The following EIF3H variants were observed in gnomAD, a reference collection of about 807,000 sequenced individuals.
The protein encoded by EIF3H is eIF-3-gamma.
EIF3H carries 26 observed loss-of-function variants against 44.2 expected under a neutral mutation model. The ratio of observed to expected loss-of-function variants is 0.59; its 90% CI spans 0.43 to 0.82. EIF3H has a LOEUF of 0.82. Among genes scored for constraint, EIF3H ranks in the 40% least tolerant of loss-of-function variants. The pLI is 0.00. For synonymous variants in EIF3H, 166 were observed against 151.9 expected (o/e 1.09, Z -0.68); for missense variants, 359 against 432.8 (o/e 0.83, Z 1.51).
Position 116,752,719 on chromosome 8 carries a change from AG to A in EIF3H, c.132+2946del, listed in dbSNP as rs1242289444. Among the ~76,000 whole-genome samples, 85 of 121,938 alleles carry A rather than the reference AG, an allele frequency of 7.0e-4. 1 individual carries two copies. The highest frequency in any genetic ancestry group is 1.0e-3 in the East Asian group (4 of 3,844). The allele number at this position is 121,938 out of a possible 152,430, so 80.0% of individuals were successfully genotyped here. On this transcript the variant is annotated intron_variant, in intron 1 of 7. Transcript: ENST00000521861. ...AAGAAAGAAAGAAAGAAAGAAAGAA[AG>A]AAAGAAAGAAAGAAGAGAAAGAAAG...
chr8:116,662,313 C>A (rs544218484), intron 2 of EIF3H, among the ~76,000 whole-genome samples: 1 of 152,078 alleles, frequency 6.6e-6, no homozygotes, highest in Admixed American at 6.5e-5. Context: ...AAGAAAGGAC[C>A]TAAACAAACT....
At chr8:116,730,320 T>C (rs1166720268) in intron 1 of EIF3H, among the ~76,000 whole-genome samples, 5 of 152,186 alleles carry the variant, frequency 3.3e-5, no homozygotes, top group African/African-American at 1.2e-4. Flanking sequence ...CTGATTCTCA[T>C]AGGAGCACAA....
chr8:116,717,232 G>T (rs1414686520), intron 2 of EIF3H, among the ~76,000 whole-genome samples: 1 of 152,062 alleles, frequency 6.6e-6, no homozygotes, highest in African/African-American at 2.4e-5. Flanking sequence ...ACAAAACACT[G>T]CTCAAAGAAA....
intron 2 of EIF3H, among the ~76,000 whole-genome samples, chr8:116,695,224 C>T (rs1458107321): frequency 3.3e-5 from 5 of 151,940 alleles, no homozygotes; most frequent in African/African-American, 1.2e-4. Flanking sequence ...TGCCCCATCA[C>T]GCCCGGCTAA....
At chr8:116,750,534 T>G (rs1430569919) in intron 1 of EIF3H, among the ~76,000 whole-genome samples, 1 of 151,472 alleles carries the variant, frequency 6.6e-6, no homozygotes, top group Non-Finnish European at 1.5e-5. Context: ...CTCAGCCTCC[T>G]GAGTAGCTGG....
At chr8:116,757,275 T>TGA (rs200065010), upstream of EIF3H, among the ~76,000 whole-genome samples, 16,286 of 148,872 alleles carry the variant, frequency 0.11, 1,162 homozygotes, top group East Asian at 0.41. Flanking sequence ...GAGGTACAAC[T>TGA]GAGAGAGAGA....
At chr8:116,693,286 A>C (rs1021899312) in intron 2 of EIF3H, among the ~76,000 whole-genome samples, 1 of 152,274 alleles carries the variant, frequency 6.6e-6, no homozygotes, top group Non-Finnish European at 1.5e-5. Flanking sequence ...ATTTGACATC[A>C]GAAAATTTTA....
chr8:116,739,443 G>A lies in EIF3H; in HGVS notation c.133-13271C>T, dbSNP rs374447647. 3.9e-4 allele frequency among the ~76,000 whole-genome samples: 60 copies of A among 152,318 alleles called. 1 individual carries two copies. The East Asian group carries it at 9.7e-3, about 25-fold the overall frequency. The stretch of plus-strand genomic sequence containing the variant: ...CGGCGGGCAGATCACGAGGTCAGGA[G>A]ATCGAGACCATCCTGGCTAAAACGG... On this transcript the variant is annotated intron_variant, in intron 1 of 7. Coordinates refer to ENST00000521861, the MANE Select transcript of EIF3H (RefSeq NM_003756.3).
rs368861824 is a variant in EIF3H at position 116,666,753 on chromosome 8, C to A, written c.290-7773G>T. Reference sequence around the variant, plus strand: ...CCAAATGAGAATCTTTAGTGTTAGGCAAAAAAAAAAAAAAAAAAAAAAATT... The same window carrying A: ...CCAAATGAGAATCTTTAGTGTTAGGAAAAAAAAAAAAAAAAAAAAAAAATT... On this transcript the variant is annotated intron_variant, in intron 2 of 7. Transcript: ENST00000521861. Among the ~76,000 whole-genome samples, 342 of 71,330 alleles carry A rather than the reference C, an allele frequency of 4.8e-3. 1 individual carries two copies. The highest frequency in any genetic ancestry group is 0.011 in the East Asian group (24 of 2,202). 46.8% of individuals were successfully genotyped at this position (71,330 alleles called of 152,430 possible).
intron 2 of EIF3H, chr8:116,697,101 TG>T (rs768843456): frequency 1.2e-4 from 57 of 456,306 alleles, no homozygotes; most frequent in Admixed American, 5.4e-4. Flanking sequence ...ACCACCCAGC[TG>T]TCCCTGGTGA....
intron 1 of EIF3H, among the ~76,000 whole-genome samples, chr8:116,733,310 G>T (rs908127107): frequency 6.6e-6 from 1 of 152,150 alleles, no homozygotes; most frequent in Non-Finnish European, 1.5e-5. Context: ...TTGCACAAGA[G>T]TTTTTACAGA....
chr8:116,669,049 ATG>A (rs895252984), intron 2 of EIF3H, among the ~76,000 whole-genome samples: 6 of 152,176 alleles, frequency 3.9e-5, no homozygotes, highest in Non-Finnish European at 7.3e-5. Context: ...TGGAGATTGT[ATG>A]TGTCACTACA....
intron 2 of EIF3H, among the ~76,000 whole-genome samples, chr8:116,660,118 T>C (rs758788669): frequency 5.1e-4 from 77 of 152,146 alleles, no homozygotes; most frequent in Non-Finnish European, 9.6e-4. Flanking sequence ...CTCGTACTCC[T>C]AGGATCAAAG....
chr8:116,751,514 A>G (rs1815344047), intron 1 of EIF3H, among the ~76,000 whole-genome samples: 1 of 152,164 alleles, frequency 6.6e-6, no homozygotes, highest in South Asian at 2.1e-4. Flanking sequence ...CTAGAAATAT[A>G]GGGTGCTGTG....
intron 2 of EIF3H, among the ~76,000 whole-genome samples, chr8:116,665,739 T>C (rs1213002578): frequency 6.6e-6 from 1 of 152,216 alleles, no homozygotes; most frequent in African/African-American, 2.4e-5. Flanking sequence ...CTGTGAACAG[T>C]GAAGGCTCTG....
Position 116,644,875 on chromosome 8 carries a change from A to G in EIF3H, c.*131T>C. 3.0e-6 allele frequency: 2 copies of G among 658,802 alleles called. No homozygotes were observed. Among genetic ancestry groups the G allele is most frequent in the Non-Finnish European group, 5.2e-6 (2 of 383,956 alleles). 40.8% of individuals were successfully genotyped at this position (658,802 alleles called of 1,614,324 possible). ...TTATTATGGCTAGAAAGACACTGTT[A>G]TAGCCAAAATCGGCAATGACACTAA... is the stretch of plus-strand genomic sequence containing the variant. On this transcript the variant is annotated 3_prime_UTR_variant, in exon 8 of 8. Transcript: ENST00000521861.
chr8:116,648,135 A>AT (rs1432729296), intron 6 of EIF3H, among the ~76,000 whole-genome samples: 4 of 152,220 alleles, frequency 2.6e-5, no homozygotes, highest in Non-Finnish European at 5.9e-5. Flanking sequence ...GAGTAGTCAT[A>AT]TATAAATACT....
At chr8:116,646,270 C>A (rs1315450465) in intron 7 of EIF3H, among the ~76,000 whole-genome samples, 1 of 152,168 alleles carries the variant, frequency 6.6e-6, no homozygotes, top group Non-Finnish European at 1.5e-5. Flanking sequence ...GAGTGAAGCA[C>A]TGAAAGGACC....
intron 5 of EIF3H, among the ~76,000 whole-genome samples, chr8:116,650,747 A>G (rs940066513): frequency 3.9e-5 from 6 of 152,276 alleles, no homozygotes; most frequent in Admixed American, 6.5e-5. Context: ...CCCGGGTTCA[A>G]GCAATTCTTG....
Sources: gnomAD v4.1 joint callset for allele counts (sites outside exome capture counted in the v4.1 genomes callset) on GRCh38, gnomAD v4.1.1 for gene constraint, MANE v1.5 for transcripts, NCBI Gene and HGNC (gene_info 2026-07-23, HGNC 2026-07-21) for gene names.